Variants in COL4A2 observed in about 807,000 individuals in gnomAD.
COL4A2 encodes the protein collagen type IV alpha 2 chain.
In COL4A2, 99 loss-of-function variants were observed where a neutral mutation model predicts 200.2. That is an observed-to-expected ratio of 0.49 (90% CI 0.42 to 0.58). The LOEUF is 0.58. Ranked by LOEUF, COL4A2 falls within the 20% of genes least tolerant of loss-of-function variation. COL4A2 has a pLI of 0.00. For missense variants in COL4A2, 1,950 were observed against 2,314.1 expected (o/e 0.84, Z 3.23); for synonymous variants, 897 against 900.6 (o/e 1.00, Z 0.07).
At chr13:110,487,951 A>G (rs1375604177) in intron 34 of COL4A2, among the ~76,000 whole-genome samples, 1 of 152,228 alleles carries the variant, frequency 6.6e-6, no homozygotes, top group East Asian at 1.9e-4. Flanking sequence ...TTGAGAAAGA[A>G]AAATAGAGCA....
At chr13:110,420,674 G>A (rs916560929) in intron 4 of COL4A2, among the ~76,000 whole-genome samples, 38 of 152,204 alleles carry the variant, frequency 2.5e-4, no homozygotes, top group African/African-American at 8.7e-4. Flanking sequence ...GGGACTTTTT[G>A]ACTGAGGATG....
At chr13:110,348,413 G>A (rs1173997303) in intron 3 of COL4A2, among the ~76,000 whole-genome samples, 1 of 152,204 alleles carries the variant, frequency 6.6e-6, no homozygotes, top group East Asian at 1.9e-4. Flanking sequence ...GTACAACTGT[G>A]ACCTGCACTT....
chr13:110,468,222 G>A (rs1751785443), intron 27 of COL4A2: 1 of 471,382 alleles, frequency 2.1e-6, no homozygotes, highest in Non-Finnish European at 4.4e-6. Context: ...GACAAATGCA[G>A]AGGTATCATT....
chr13:110,501,349 G>A (rs1390139492), intron 40 of COL4A2, among the ~76,000 whole-genome samples: 1 of 152,236 alleles, frequency 6.6e-6, no homozygotes, highest in African/African-American at 2.4e-5. Context: ...TGCCTCGCCT[G>A]GTGCTGAGGC....
At chr13:110,439,714 G>T in intron 15 of COL4A2, 75 bp from the exon 16 acceptor site, 5 of 1,605,632 alleles carry the variant, frequency 3.1e-6, no homozygotes, top group Non-Finnish European at 2.6e-6. Context: ...TCACAGCCAG[G>T]TGCCGTAGTC....
At position 110,506,427 on chromosome 13, in the gene COL4A2, G is replaced by A. The variant is rs368014743; in HGVS notation, c.4415G>A (p.Arg1472His). The A allele has an allele frequency of 2.7e-5, 43 of 1,610,832 alleles. No individual in the cohort carries two copies. Among genetic ancestry groups the A allele is most frequent in the East Asian group, 1.8e-4 (8 of 44,796 alleles). The change falls in exon 46 of 48, where the codon CGT (arginine) becomes CAT (histidine). Residue 1472 changes from arginine (R) to histidine (H), a missense_variant. Physicochemically the swap from Arg to His is conservative, Grantham distance 29. Coordinates refer to ENST00000360467, the MANE Select transcript of COL4A2 (RefSeq NM_001846.4). ...GPIGQEGAPGRPGSPGLPGMP... is the reference protein window; with the variant it reads ...GPIGQEGAPGHPGSPGLPGMP... ...TCTCGGGCTGCAGGTGCACCAGGCC[G>A]TCCAGGGAGCCCGGGCCTGCCGGGT...
chr13:110,474,734 C>T lies in COL4A2; in HGVS notation c.2425+1584C>T, dbSNP rs1882624155. ...TCACATGATCACACACGCACGTACC[C>T]ACACACGTGCCGTGCACACTCACAC... On this transcript the variant is annotated intron_variant, in intron 29 of 47. Transcript: ENST00000360467. 1.6e-5 allele frequency among the ~76,000 whole-genome samples: 2 copies of T among 122,564 alleles called. 1 individual carries two copies. The highest frequency in any genetic ancestry group is 5.3e-4 in the South Asian group (2 of 3,790). 80.4% of individuals were successfully genotyped at this position (122,564 alleles called of 152,430 possible). A position where few individuals can be genotyped will look rare whatever the true frequency, so the allele number is the denominator to read the frequency against.
intron 14 of COL4A2, among the ~76,000 whole-genome samples, chr13:110,438,372 C>A (rs1880980173): frequency 6.6e-6 from 1 of 152,254 alleles, no homozygotes; most frequent in Non-Finnish European, 1.5e-5. Context: ...AGAGCTCCAG[C>A]TCTCCCTCGC....
At chr13:110,323,738 G>A (rs562380761) in intron 3 of COL4A2, among the ~76,000 whole-genome samples, 38 of 152,356 alleles carry the variant, frequency 2.5e-4, no homozygotes, top group South Asian at 1.4e-3. Flanking sequence ...CCATGGGCAC[G>A]CTGCCCCCAG....
rs192215314 is a variant in COL4A2, at chr13:110,374,848, A to C, written c.180+17296A>C. Among the ~76,000 whole-genome samples the C allele has an allele frequency of 8.8e-4, 134 of 152,310 alleles. 3 individuals carry two copies. In the East Asian group the frequency reaches 0.026, roughly 29 times the overall value. ...AGTGGATAGTTTTCCCCTCTTCAGAAGCATTCCTGAGTCAAGAACACCCTG... is the reference window on the plus strand; with the variant it reads ...AGTGGATAGTTTTCCCCTCTTCAGACGCATTCCTGAGTCAAGAACACCCTG... On this transcript the variant is annotated intron_variant, in intron 4 of 47. Coordinates refer to ENST00000360467, the MANE Select transcript of COL4A2 (RefSeq NM_001846.4).
intron 12 of COL4A2, among the ~76,000 whole-genome samples, chr13:110,435,042 T>C (rs1196122258): frequency 2.6e-5 from 4 of 152,230 alleles, no homozygotes; most frequent in Non-Finnish European, 5.9e-5. Flanking sequence ...ATGAGCCCAC[T>C]GTAAAGTAGA....
chr13:110,506,389 C>A (rs1392659299), intron 45 of COL4A2, 26 bp from the exon 46 acceptor site: 1 of 1,596,410 alleles, frequency 6.3e-7, no homozygotes, highest in Admixed American at 1.7e-5. Flanking sequence ...CCAGGCCGTC[C>A]ACTCTCTCTC....
chr13:110,437,406 A>C (rs1385907253), intron 13 of COL4A2, among the ~76,000 whole-genome samples: 1 of 152,086 alleles, frequency 6.6e-6, no homozygotes, highest in South Asian at 2.1e-4. Flanking sequence ...GGAATGGCCA[A>C]CCCGCAGGGG....
At chr13:110,408,356 C>T (rs191452020) in intron 4 of COL4A2, among the ~76,000 whole-genome samples, 24 of 152,318 alleles carry the variant, frequency 1.6e-4, no homozygotes, top group African/African-American at 5.8e-4. Flanking sequence ...CAGGAAGTGG[C>T]TTTGGAATGT....
At chr13:110,446,941 T>C (rs927259537) in intron 18 of COL4A2, 77 bp downstream of exon 18, 59 of 1,233,332 alleles carry the variant, frequency 4.8e-5, no homozygotes, top group Non-Finnish European at 6.3e-5. Flanking sequence ...AGCTATGAAC[T>C]TTCAAGACAG....
chr13:110,470,608 A>G (rs553706885), intron 28 of COL4A2, among the ~76,000 whole-genome samples: 85 of 152,232 alleles, frequency 5.6e-4, no homozygotes, highest in Non-Finnish European at 1.1e-3. Context: ...TAGGACCCCC[A>G]CTTATCAGGA....
intron 3 of COL4A2, among the ~76,000 whole-genome samples, chr13:110,345,721 G>C (rs917394752): frequency 6.6e-6 from 1 of 152,166 alleles, no homozygotes; most frequent in African/African-American, 2.4e-5. Context: ...ATCTATATTA[G>C]GGGTGGAGAA....
At chr13:110,468,493 T>G (rs1208367087) in intron 27 of COL4A2, among the ~76,000 whole-genome samples, 1 of 151,932 alleles carries the variant, frequency 6.6e-6, no homozygotes, top group African/African-American at 2.4e-5. Flanking sequence ...GTGATGCGAG[T>G]GTGGGTTTCT....
intron 3 of COL4A2, among the ~76,000 whole-genome samples, chr13:110,315,817 C>T (rs978193671): frequency 2.0e-5 from 3 of 152,152 alleles, no homozygotes; most frequent in Non-Finnish European, 2.9e-5. Context: ...TTTATCTGCC[C>T]GAGGCCTGAA....
Sources: gnomAD v4.1 joint callset for allele counts (sites outside exome capture counted in the v4.1 genomes callset) on GRCh38, gnomAD v4.1.1 for gene constraint, MANE v1.5 for transcripts, NCBI Gene and HGNC (gene_info 2026-07-23, HGNC 2026-07-21) for gene names.